RABGAP1L: variants seen among roughly 807,000 people sequenced by gnomAD.
The protein encoded by RABGAP1L is RAB GTPase activating protein 1 like.
In RABGAP1L, 63 loss-of-function variants were observed where a neutral mutation model predicts 137.7. The observed-to-expected ratio is 0.46, with a 90% CI of 0.37 to 0.56. RABGAP1L has a LOEUF of 0.56. Ranked by LOEUF, RABGAP1L falls within the 20% of genes least tolerant of loss-of-function variation. RABGAP1L has a pLI of 0.00. For synonymous variants in RABGAP1L, 431 were observed against 433.7 expected, an observed-to-expected ratio of 0.99 and a Z score of 0.08; for missense variants, 1,095 against 1,244.0, an observed-to-expected ratio of 0.88 and a Z score of 1.80.
At chr1:174,363,471 G>A (rs1216907525) in intron 11 of RABGAP1L, among the ~76,000 whole-genome samples, 1 of 152,102 alleles carries the variant, frequency 6.6e-6, no homozygotes, top group African/African-American at 2.4e-5. Flanking sequence ...GCAGTGGTTT[G>A]TAGTTCTCCT....
intron 19 of RABGAP1L, among the ~76,000 whole-genome samples, chr1:174,816,393 C>A (rs537519847): frequency 4.6e-5 from 7 of 152,054 alleles, no homozygotes; most frequent in East Asian, 3.8e-4. Flanking sequence ...TTATCCACCC[C>A]CCTTGGCCAC....
In RABGAP1L at chr1:174,427,356, T is replaced by C. The variant is rs138922921; in HGVS notation, c.1710+33211T>C. On this transcript the variant is annotated intron_variant, in intron 13 of 25. Coordinates refer to ENST00000681986, the MANE Select transcript of RABGAP1L (RefSeq NM_001366446.1). ...GACTCCTTCTCAATAGAGATATTTC[T>C]TACCGGGCTTCTGCCAGTTTAGCAA... 2.9e-3 allele frequency among the ~76,000 whole-genome samples: 436 copies of C among 152,308 alleles called. 5 individuals carry two copies. Among genetic ancestry groups the C allele is most frequent in the African/African-American group, 0.01 (418 of 41,582 alleles).
In RABGAP1L at chr1:174,940,446, T is replaced by A. The variant is rs180753258; in HGVS notation, c.2341-17011T>A. 3.2e-3 allele frequency among the ~76,000 whole-genome samples: 484 copies of A among 152,064 alleles called. 3 individuals are homozygous for A. The highest frequency in any genetic ancestry group is 0.011 in the African/African-American group (439 of 41,472). Reference sequence around the variant, plus strand: ...ACTGACCATGCCTGGCTAATTTTTTTTTAAAATTTTTTGTAGAGATGGGGT... The same window carrying A: ...ACTGACCATGCCTGGCTAATTTTTTATTAAAATTTTTTGTAGAGATGGGGT... On this transcript the variant is annotated intron_variant, in intron 19 of 25. Transcript: ENST00000681986.
At chr1:174,891,265 C>G (rs964573338) in intron 19 of RABGAP1L, among the ~76,000 whole-genome samples, 23 of 152,090 alleles carry the variant, frequency 1.5e-4, no homozygotes, top group Admixed American at 2.6e-4. Context: ...TTAACTTATT[C>G]CATCTGGCTA....
At chr1:174,305,545 G>T (rs1236443555) in intron 11 of RABGAP1L, among the ~76,000 whole-genome samples, 1 of 151,744 alleles carries the variant, frequency 6.6e-6, no homozygotes, top group African/African-American at 2.4e-5. Context: ...ACCATGCTTG[G>T]CTACTTTTTT....
At chr1:174,556,383 AC>A (rs1214124280) in intron 13 of RABGAP1L, among the ~76,000 whole-genome samples, 1 of 152,238 alleles carries the variant, frequency 6.6e-6, no homozygotes, top group Non-Finnish European at 1.5e-5. Context: ...GAAAATAATA[AC>A]ACAAAATCAA....
intron 13 of RABGAP1L, among the ~76,000 whole-genome samples, chr1:174,394,931 T>C (rs546116808): frequency 6.6e-6 from 1 of 150,836 alleles, no homozygotes; most frequent in Non-Finnish European, 1.5e-5. Context: ...CCTAGTATAA[T>C]TATCACTGCT....
intron 13 of RABGAP1L, among the ~76,000 whole-genome samples, chr1:174,476,936 C>A (rs1196557773): frequency 6.6e-6 from 1 of 152,140 alleles, no homozygotes; most frequent in African/African-American, 2.4e-5. Flanking sequence ...ATCCTAGTGG[C>A]AGAAGACGTT....
At chr1:174,310,020 ATTACTGATCCAGTG>A (rs138867735) in intron 11 of RABGAP1L, among the ~76,000 whole-genome samples, 9,541 of 152,144 alleles carry the variant, frequency 0.063, 979 homozygotes, top group African/African-American at 0.21. Context: ...GAGACTGTTT[ATTACTGATCCAGTG>A]TTATTACTCA....
intron 19 of RABGAP1L, among the ~76,000 whole-genome samples, chr1:174,850,629 A>G (rs1205123806): frequency 6.6e-6 from 1 of 152,178 alleles, no homozygotes; most frequent in Non-Finnish European, 1.5e-5. Context: ...TAATTTCTTA[A>G]ATACCTCCCT....
intron 18 of RABGAP1L, among the ~76,000 whole-genome samples, chr1:174,758,678 T>C (rs1320890384): frequency 6.6e-6 from 1 of 152,204 alleles, no homozygotes; most frequent in African/African-American, 2.4e-5. Context: ...TATCACATTT[T>C]CTCATCTACT....
At chr1:174,627,922 A>G (rs1673040329) in intron 13 of RABGAP1L, among the ~76,000 whole-genome samples, 3 of 152,178 alleles carry the variant, frequency 2.0e-5, no homozygotes, top group Admixed American at 2.0e-4. Context: ...AAGGAGGCAT[A>G]TACTTGTGAT....
In RABGAP1L at chr1:174,322,088, A is replaced by G. The variant is rs6664923; in HGVS notation, c.1465+16961A>G. On this transcript the variant is annotated intron_variant, in intron 11 of 25. Transcript: ENST00000681986. ...TGAAGAGTAAAAGTTTAATTTTATG[A>G]AGTCTAATTTGGCAATTCTTTTCCT... Among the ~76,000 whole-genome samples the G allele has an allele frequency of 4.3e-3, 652 of 152,186 alleles. 3 individuals are homozygous for G. Among genetic ancestry groups the G allele is most frequent in the African/African-American group, 0.015 (633 of 41,544 alleles).
chr1:174,394,843 A>G (rs1427854360), intron 13 of RABGAP1L, among the ~76,000 whole-genome samples: 1 of 151,998 alleles, frequency 6.6e-6, no homozygotes, highest in Non-Finnish European at 1.5e-5. Context: ...GAACTTTTAG[A>G]ACTTTTTATC....
chr1:174,202,708 A>G (rs1160609389), intron 1 of RABGAP1L, among the ~76,000 whole-genome samples: 1 of 152,132 alleles, frequency 6.6e-6, no homozygotes, highest in Non-Finnish European at 1.5e-5. Flanking sequence ...TCTGTGTTTT[A>G]GACATGAAGT....
chr1:174,834,357 C>T (rs536381928), intron 19 of RABGAP1L, among the ~76,000 whole-genome samples: 11 of 148,328 alleles, frequency 7.4e-5, no homozygotes, highest in Middle Eastern at 3.5e-3. Flanking sequence ...ACCTGGGAGG[C>T]GGAGGTTGCA....
intron 15 of RABGAP1L, among the ~76,000 whole-genome samples, chr1:174,696,994 C>CA (rs959321136): frequency 1.1e-4 from 16 of 152,224 alleles, no homozygotes; most frequent in African/African-American, 3.9e-4. Context: ...CCTTTACTTC[C>CA]AACACCCAAC....
chr1:174,410,525 T>C (rs1179710585), intron 13 of RABGAP1L, among the ~76,000 whole-genome samples: 1 of 152,174 alleles, frequency 6.6e-6, no homozygotes, highest in Non-Finnish European at 1.5e-5. Flanking sequence ...TGCTTATTTT[T>C]GTTGACTTTG....
chr1:174,449,220 A>G (rs1342573310), intron 13 of RABGAP1L: 2 of 1,526,924 alleles, frequency 1.3e-6, no homozygotes, highest in African/African-American at 2.8e-5. Flanking sequence ...AGTAAATCAA[A>G]TGTAATCTGA....
Sources: gnomAD v4.1 joint callset for allele counts (sites outside exome capture counted in the v4.1 genomes callset) on GRCh38, gnomAD v4.1.1 for gene constraint, MANE v1.5 for transcripts, NCBI Gene and HGNC (gene_info 2026-07-23, HGNC 2026-07-21) for gene names.